Variants in CALD1 observed in about 807,000 individuals in gnomAD.
The protein encoded by CALD1 is caldesmon.
Under a neutral mutation model 99.9 loss-of-function variants are expected in CALD1, and 33 were observed. The observed-to-expected ratio is 0.33, with a 90% CI of 0.25 to 0.44. The LOEUF (loss-of-function observed/expected upper bound fraction) is 0.44, where lower values mean the gene tolerates loss of function less well. Ranked by LOEUF, CALD1 falls within the 20% of genes least tolerant of loss-of-function variation. The pLI, the probability that CALD1 is intolerant of heterozygous loss-of-function variation, is 1.00. For missense variants in CALD1, 861 were observed against 962.1 expected (o/e 0.89, Z 1.39); for synonymous variants, 310 against 325.0 (o/e 0.95, Z 0.50).
At chr7:134,715,876 A>C in the CALD1 span, among the ~76,000 whole-genome samples, 1 of 152,244 alleles carries the variant, frequency 6.6e-6, no homozygotes, top group Admixed American at 6.5e-5. Context: ...TATGGAGCTA[A>C]AAGTTACTGG....
At chr7:134,887,371 T>C (rs1298838609) in intron 3 of CALD1, among the ~76,000 whole-genome samples, 1 of 152,230 alleles carries the variant, frequency 6.6e-6, no homozygotes, top group Non-Finnish European at 1.5e-5. Flanking sequence ...TACATTCCTG[T>C]TCACCTTGGG....
rs546479973 is a variant in CALD1 at position 134,887,783 on chromosome 7, C to T, written c.71+19979C>T. On this transcript the variant is annotated intron_variant, in intron 3 of 14. Coordinates refer to ENST00000361675, the MANE Select transcript of CALD1 (RefSeq NM_033138.4). ...ATGTGCCTGCGTGTGTATGTGTGTG[C>T]ATGTGTATGTGTGCGCATGTGTATG... Among the ~76,000 whole-genome samples the T allele has an allele frequency of 2.1e-5, 3 of 140,926 alleles. No homozygotes were observed. The South Asian group carries it at 6.7e-4, about 32-fold the overall frequency. 92.5% of individuals were successfully genotyped at this position (140,926 alleles called of 152,430 possible). A position where few individuals can be genotyped will look rare whatever the true frequency, so the allele number is the denominator to read the frequency against.
intron 2 of CALD1, among the ~76,000 whole-genome samples, chr7:134,865,388 A>G (rs1007504643): frequency 6.6e-6 from 1 of 151,764 alleles, no homozygotes; most frequent in Non-Finnish European, 1.5e-5. Flanking sequence ...ACCACATGGT[A>G]CACAGATGTG....
intron 13 of CALD1, chr7:134,962,953 C>T: frequency 4.4e-6 from 2 of 455,700 alleles, no homozygotes; most frequent in South Asian, 3.1e-5. Context: ...ATTTATATTT[C>T]CCCTTTGATT....
chr7:134,842,655 A>G (rs1426514825), intron 1 of CALD1, among the ~76,000 whole-genome samples: 1 of 152,122 alleles, frequency 6.6e-6, no homozygotes, highest in African/African-American at 2.4e-5. Context: ...TTATCATCTC[A>G]CCCTCTGCTC....
the CALD1 span, among the ~76,000 whole-genome samples, chr7:134,723,428 T>C: frequency 6.6e-6 from 1 of 152,034 alleles, no homozygotes; most frequent in South Asian, 2.1e-4. Context: ...TATCATGCTA[T>C]ATACCACTGC....
intron 6 of CALD1, among the ~76,000 whole-genome samples, chr7:134,936,480 C>T (rs983655847): frequency 6.6e-6 from 1 of 152,130 alleles, no homozygotes; most frequent in Non-Finnish European, 1.5e-5. Context: ...GTGACTATAT[C>T]GAATAAGTTC....
intron 1 of CALD1, among the ~76,000 whole-genome samples, chr7:134,786,595 TA>T (rs1215050644): frequency 6.6e-6 from 1 of 152,202 alleles, no homozygotes; most frequent in Non-Finnish European, 1.5e-5. Flanking sequence ...CAGGAACCTC[TA>T]TTTTTTTTTC....
At chr7:134,716,392 T>C in the CALD1 span, among the ~76,000 whole-genome samples, 3 of 152,246 alleles carry the variant, frequency 2.0e-5, no homozygotes, top group African/African-American at 7.2e-5. Context: ...TGAAATTTTG[T>C]GAAATTTTGA....
Position 134,965,132 on chromosome 7 carries a change from T to A in CALD1, c.2296-174T>A, listed in dbSNP as rs533021202. The A allele has an allele frequency of 6.3e-5, 34 of 538,732 alleles. No individual in the cohort carries two copies. The African/African-American group carries it at 6.3e-4, about 10-fold the overall frequency. 33.4% of individuals were successfully genotyped at this position (538,732 alleles called of 1,614,324 possible). A position where few individuals can be genotyped will look rare whatever the true frequency, so the allele number is the denominator to read the frequency against. On this transcript the variant is annotated intron_variant, in intron 13 of 14. Coordinates refer to ENST00000361675, the MANE Select transcript of CALD1 (RefSeq NM_033138.4). ...CTCTGTCTCAAAAAAAATAAAAAAATAAAAAAATCAAACAACAGCTGATGG... is the reference window on the plus strand; with the variant it reads ...CTCTGTCTCAAAAAAAATAAAAAAAAAAAAAAATCAAACAACAGCTGATGG...
chr7:134,870,508 T>C (rs1418369211), intron 3 of CALD1, among the ~76,000 whole-genome samples: 1 of 152,176 alleles, frequency 6.6e-6, no homozygotes, highest in Admixed American at 6.5e-5. Flanking sequence ...GTGGAAGAAT[T>C]TCTCTTCTTT....
intron 1 of CALD1, among the ~76,000 whole-genome samples, chr7:134,763,146 A>G (rs1269701238): frequency 1.3e-5 from 2 of 152,206 alleles, no homozygotes; most frequent in Non-Finnish European, 2.9e-5. Context: ...CACATATTGT[A>G]AATAGTCTAC....
intron 1 of CALD1, among the ~76,000 whole-genome samples, chr7:134,760,472 G>A (rs1796767860): frequency 6.6e-6 from 1 of 152,160 alleles, no homozygotes; most frequent in African/African-American, 2.4e-5. Flanking sequence ...CCTGTCCCTT[G>A]ATTCCAAAAT....
intron 1 of CALD1, among the ~76,000 whole-genome samples, chr7:134,756,449 A>G (rs938149923): frequency 2.6e-5 from 4 of 152,060 alleles, no homozygotes; most frequent in African/African-American, 9.7e-5. Flanking sequence ...ATTTAGCTAC[A>G]GTAGTCATGG....
chr7:134,894,031 A>G (rs561552494), intron 3 of CALD1, among the ~76,000 whole-genome samples: 115 of 152,346 alleles, frequency 7.5e-4, no homozygotes, highest in African/African-American at 2.6e-3. Context: ...GGCGACACTC[A>G]GATATGCATT....
chr7:134,883,949 A>C (rs1801726704), intron 3 of CALD1, among the ~76,000 whole-genome samples: 1 of 152,212 alleles, frequency 6.6e-6, no homozygotes, highest in African/African-American at 2.4e-5. Context: ...ATAAAAATAC[A>C]AAATTAGCCG....
At position 134,815,220 on chromosome 7, in the gene CALD1, C is replaced by CTTAGTTAGAATCCA. The variant is rs1178039993; in HGVS notation, c.-129-28664_-129-28663insTTAGTTAGAATCCA. 1.1e-3 allele frequency among the ~76,000 whole-genome samples: 171 copies of CTTAGTTAGAATCCA among 152,312 alleles called. 1 individual carries two copies. The highest frequency in any genetic ancestry group is 3.4e-4 in the Non-Finnish European group (23 of 68,032). The stretch of plus-strand genomic sequence containing the variant: ...ATGAAGTGGGTTAGAACCCAACACA[C>CTTAGTTAGAATCCA]ACTAATATGGTTGGAATTTAGGCTG... On this transcript the variant is annotated intron_variant, in intron 1 of 14. Coordinates refer to ENST00000361675, the MANE Select transcript of CALD1 (RefSeq NM_033138.4).
chr7:134,853,918 T>C (rs1370568173), intron 2 of CALD1, among the ~76,000 whole-genome samples: 4 of 133,782 alleles, frequency 3.0e-5, no homozygotes, highest in African/African-American at 1.1e-4. Flanking sequence ...TGTGCCCATG[T>C]GTTCTCATTG....
At chr7:134,811,432 C>G (rs569063757) in intron 1 of CALD1, among the ~76,000 whole-genome samples, 1 of 152,306 alleles carries the variant, frequency 6.6e-6, no homozygotes, top group South Asian at 2.1e-4. Flanking sequence ...GAAATTATCC[C>G]TGCTCACATC....
Sources: gnomAD v4.1 joint callset for allele counts (sites outside exome capture counted in the v4.1 genomes callset) on GRCh38, gnomAD v4.1.1 for gene constraint, MANE v1.5 for transcripts, NCBI Gene and HGNC (gene_info 2026-07-23, HGNC 2026-07-21) for gene names.